Variants in HHAT observed in about 807,000 individuals in gnomAD.
HHAT encodes protein-cysteine N-palmitoyltransferase HHAT.
HHAT carries 47 observed loss-of-function variants against 70.8 expected under a neutral mutation model. That is an observed-to-expected ratio of 0.66 (90% confidence interval 0.53 to 0.85). HHAT has a LOEUF of 0.85. Among genes scored for constraint, HHAT ranks in the 40% least tolerant of loss-of-function variants. The pLI is 0.00. For missense variants in HHAT, 609 were observed against 604.8 expected, an observed-to-expected ratio of 1.01 and a Z score of -0.07; for synonymous variants, 228 against 247.6, an observed-to-expected ratio of 0.92 and a Z score of 0.74.
At chr1:210,569,058 C>T (rs1326204196) in intron 9 of HHAT, among the ~76,000 whole-genome samples, 1 of 152,014 alleles carries the variant, frequency 6.6e-6, no homozygotes, top group Non-Finnish European at 1.5e-5. Flanking sequence ...GGAGAAACCC[C>T]CCACACATGA....
chr1:210,565,237 G>A (rs1654410838), intron 9 of HHAT, among the ~76,000 whole-genome samples: 1 of 152,314 alleles, frequency 6.6e-6, no homozygotes, highest in South Asian at 2.1e-4. Flanking sequence ...TCGGGAAGGA[G>A]AGGGTGCTCA....
chr1:210,648,362 A>G (rs778565010), intron 11 of HHAT, among the ~76,000 whole-genome samples: 7 of 152,200 alleles, frequency 4.6e-5, no homozygotes, highest in Non-Finnish European at 8.8e-5. Context: ...TCAGAGGCCT[A>G]GTATGAACAT....
intron 10 of HHAT, among the ~76,000 whole-genome samples, chr1:210,619,309 G>C (rs1018597985): frequency 6.6e-6 from 1 of 152,172 alleles, no homozygotes; most frequent in African/African-American, 2.4e-5. Flanking sequence ...GATTTCAGGA[G>C]TGTCAGGGGA....
intron 9 of HHAT, among the ~76,000 whole-genome samples, chr1:210,518,104 G>A (rs918483448): frequency 2.0e-5 from 3 of 152,074 alleles, no homozygotes; most frequent in Non-Finnish European, 4.4e-5. Flanking sequence ...ACATCCAAAA[G>A]CCTCTCTTCT....
intron 9 of HHAT, among the ~76,000 whole-genome samples, chr1:210,540,476 CACAT>C (rs1360338361): frequency 5.9e-5 from 6 of 102,494 alleles, no homozygotes; most frequent in African/African-American, 1.7e-4. Context: ...CACACGCACA[CACAT>C]GCACACACAC....
chr1:210,638,447 A>G (rs1460883130), intron 11 of HHAT, among the ~76,000 whole-genome samples: 1 of 152,246 alleles, frequency 6.6e-6, no homozygotes, highest in Non-Finnish European at 1.5e-5. Flanking sequence ...TGTTGATTCT[A>G]TTTATAAAAT....
Position 210,380,964 on chromosome 1 carries a change from TGAA to T in HHAT, c.160-6500_160-6498del, listed in dbSNP as rs59235521. 2.1e-3 allele frequency among the ~76,000 whole-genome samples: 317 copies of T among 152,152 alleles called. 4 individuals carry two copies. In the South Asian group the frequency reaches 0.047, roughly 22 times the overall value. ...TCTCTGGAATGCTAAGGGGAGCACA[TGAA>T]GAATATTAAGTGGGGGAAATAACAT... On this transcript the variant is annotated intron_variant, in intron 3 of 11. Transcript: ENST00000261458.
chr1:210,441,916 T>C (rs1468509117), intron 7 of HHAT, among the ~76,000 whole-genome samples: 4 of 151,816 alleles, frequency 2.6e-5, no homozygotes, highest in African/African-American at 7.3e-5. Context: ...TAGTTACATA[T>C]GTATACATGT....
At chr1:210,349,724 C>T (rs1165094039) in intron 2 of HHAT, among the ~76,000 whole-genome samples, 1 of 150,672 alleles carries the variant, frequency 6.6e-6, no homozygotes, top group Non-Finnish European at 1.5e-5. Context: ...CATCTCGGCT[C>T]ACTGCAACCT....
intron 7 of HHAT, among the ~76,000 whole-genome samples, chr1:210,422,181 C>T (rs1039606843): frequency 5.9e-5 from 9 of 152,006 alleles, no homozygotes; most frequent in South Asian, 2.1e-4. Context: ...TCATGGGGTG[C>T]GTAGTGATGT....
At chr1:210,616,395 A>G (rs1667745693) in intron 10 of HHAT, among the ~76,000 whole-genome samples, 1 of 150,950 alleles carries the variant, frequency 6.6e-6, no homozygotes, top group Non-Finnish European at 1.5e-5. Context: ...TATATTTTTT[A>G]TTTTGCTCTG....
intron 6 of HHAT, among the ~76,000 whole-genome samples, chr1:210,414,070 G>A (rs1471427714): frequency 6.6e-6 from 1 of 152,180 alleles, no homozygotes; most frequent in Admixed American, 6.5e-5. Flanking sequence ...CCACATAAAT[G>A]TATTGCTCAC....
intron 9 of HHAT, among the ~76,000 whole-genome samples, chr1:210,546,711 G>T (rs1459670500): frequency 2.0e-5 from 3 of 152,204 alleles, no homozygotes; most frequent in African/African-American, 7.2e-5. Flanking sequence ...TGGTGGTGAG[G>T]ATGGAGGCAC....
At chr1:210,468,322 T>C (rs372369503) in intron 8 of HHAT, among the ~76,000 whole-genome samples, 1 of 152,216 alleles carries the variant, frequency 6.6e-6, no homozygotes, top group East Asian at 1.9e-4. Flanking sequence ...TTTCGTGATT[T>C]GATTTCTAGC....
intron 4 of HHAT, among the ~76,000 whole-genome samples, chr1:210,391,542 A>C (rs1213043875): frequency 6.6e-6 from 1 of 152,228 alleles, no homozygotes; most frequent in Admixed American, 6.5e-5. Flanking sequence ...TATGGAATAA[A>C]TTTCATAAAA....
chr1:210,349,106 A>G, intron 2 of HHAT, 40 bp downstream of exon 2: 1 of 1,599,112 alleles, frequency 6.3e-7, no homozygotes, highest in Non-Finnish European at 8.5e-7. Context: ...TCAAACAAGG[A>G]AACTCCTGTC....
chr1:210,472,991 G>A (rs1457615628), intron 8 of HHAT, among the ~76,000 whole-genome samples: 1 of 152,142 alleles, frequency 6.6e-6, no homozygotes, highest in Non-Finnish European at 1.5e-5. Context: ...GCTGCTCTTA[G>A]AGGCAATAGA....
chr1:210,622,954 T>C (rs1306431760), intron 10 of HHAT, among the ~76,000 whole-genome samples: 1 of 152,212 alleles, frequency 6.6e-6, no homozygotes, highest in East Asian at 1.9e-4. Flanking sequence ...CCTAACTGGC[T>C]TCAGTGCTTG....
intron 9 of HHAT, among the ~76,000 whole-genome samples, chr1:210,525,076 T>C (rs1260941726): frequency 6.6e-6 from 1 of 152,042 alleles, no homozygotes; most frequent in Non-Finnish European, 1.5e-5. Flanking sequence ...TCTTGTCTTC[T>C]GGCCACTCAG....
Sources: allele counts gnomAD v4.1 joint callset (sites outside exome capture counted in the v4.1 genomes callset), GRCh38; gene constraint gnomAD v4.1.1; transcripts MANE v1.5; gene names NCBI Gene and HGNC (gene_info 2026-07-23, HGNC 2026-07-21).